Variants in SPPL2B observed in about 807,000 individuals in gnomAD.
SPPL2B encodes the protein signal peptide peptidase like 2B.
SPPL2B carries 39 observed loss-of-function variants against 59.7 expected under a neutral mutation model. That is an observed-to-expected ratio of 0.65 (90% CI 0.51 to 0.85). The LOEUF (loss-of-function observed/expected upper bound fraction) is 0.85. SPPL2B is among the 40% of genes least tolerant of loss of function. The pLI, the probability that SPPL2B is intolerant of heterozygous loss-of-function variation, is 0.00. For missense variants in SPPL2B, 865 were observed against 849.0 expected (o/e 1.02, Z -0.23); for synonymous variants, 419 against 370.8 (o/e 1.13, Z -1.49).
At chr19:2,351,710 G>C in intron 14 of SPPL2B, 116 bp downstream of exon 14, 3 of 1,399,834 alleles carry the variant, frequency 2.1e-6, no homozygotes, top group South Asian at 2.7e-5. Context: ...CGGGGCTCAG[G>C]GTCCTGGTAC....
At chr19:2,350,148 C>T (rs541749591) in intron 13 of SPPL2B, among the ~76,000 whole-genome samples, 1 of 141,802 alleles carries the variant, frequency 7.1e-6, no homozygotes, top group East Asian at 2.1e-4. Flanking sequence ...TTCTCTCTCT[C>T]CACACACACT....
chr19:2,346,432 GAA>G (rs1371637894), intron 13 of SPPL2B, among the ~76,000 whole-genome samples: 1 of 152,276 alleles, frequency 6.6e-6, no homozygotes, highest in Non-Finnish European at 1.5e-5. Context: ...CTGGGAGGCT[GAA>G]GTGGGAGGAT....
chr19:2,330,068 A>C (rs867933794), intron 1 of SPPL2B, among the ~76,000 whole-genome samples: 1 of 151,952 alleles, frequency 6.6e-6, no homozygotes, highest in African/African-American at 2.4e-5. Flanking sequence ...AACTCTGTGG[A>C]GAGAGGGACT....
chr19:2,336,492 T>C (rs1968621331), intron 2 of SPPL2B, among the ~76,000 whole-genome samples: 2 of 151,958 alleles, frequency 1.3e-5, no homozygotes, highest in Admixed American at 1.3e-4. Flanking sequence ...TGTGAGTGCA[T>C]GTGTAATAGG....
intron 2 of SPPL2B, 137 bp downstream of exon 2, chr19:2,334,858 C>G: frequency 1.7e-6 from 2 of 1,179,254 alleles, no homozygotes; most frequent in Non-Finnish European, 1.1e-6. Flanking sequence ...GGACTCTTAG[C>G]TGGCCCCCAG....
At chr19:2,333,539 T>C (rs1968401224) in intron 1 of SPPL2B, among the ~76,000 whole-genome samples, 2 of 152,174 alleles carry the variant, frequency 1.3e-5, no homozygotes, top group Admixed American at 1.3e-4. Context: ...GTGGGGGTCG[T>C]CCCTTCTGGT....
chr19:2,348,197 C>T (rs1450821227), intron 13 of SPPL2B, among the ~76,000 whole-genome samples: 3 of 107,724 alleles, frequency 2.8e-5, no homozygotes, highest in South Asian at 3.6e-4. Context: ...CGCTTGATTC[C>T]GTTCTCTCTC....
intron 13 of SPPL2B, among the ~76,000 whole-genome samples, chr19:2,346,852 A>G (rs1455833402): frequency 1.3e-5 from 2 of 152,146 alleles, no homozygotes; most frequent in African/African-American, 4.8e-5. Context: ...GGACACGTGG[A>G]TGGCCTAAAA....
chr19:2,345,603 C>G (rs993828190), intron 13 of SPPL2B, among the ~76,000 whole-genome samples: 1 of 150,644 alleles, frequency 6.6e-6, no homozygotes, highest in Non-Finnish European at 1.5e-5. Flanking sequence ...GCCTGTGCCT[C>G]TGTCCCCATC....
rs952044257 is a variant in SPPL2B at position 2,339,009 on chromosome 19, C to T, written c.460-60C>T. The stretch of plus-strand genomic sequence containing the variant: ...CCCAGCCCCACAGCCCACAGCTGCA[C>T]GTCGACCCATGGCTGGCGGGTGGCT... On this transcript the variant is annotated intron_variant, in intron 4 of 14. Transcript: ENST00000613503. 32 of 1,527,266 alleles carry T rather than the reference C, an allele frequency of 2.1e-5. 1 individual carries two copies. Among genetic ancestry groups the T allele is most frequent in the African/African-American group, 5.5e-5 (4 of 72,576 alleles). The allele number at this position is 1,527,266 out of a possible 1,614,324, so 94.6% of individuals were successfully genotyped here.
chr19:2,338,512 C>T (rs556488858), intron 3 of SPPL2B: 14 of 478,420 alleles, frequency 2.9e-5, no homozygotes, highest in Admixed American at 2.6e-4. Flanking sequence ...GGATTAGTGG[C>T]GCTTTTAGGC....
rs1969305737 is a variant in SPPL2B, at chr19:2,345,349, C to T, written c.1354+19C>T. On this transcript the variant is annotated intron_variant, in intron 13 of 14. Transcript: ENST00000613503. The stretch of plus-strand genomic sequence containing the variant: ...ACCATCGGTAAGTGCCTCGGTTGGG[C>T]CCGTGCTGGCCTCTCTGGCTCCAGC... The T allele has an allele frequency of 1.2e-6, 2 of 1,607,166 alleles. No homozygotes were observed. The highest frequency in any genetic ancestry group is 1.7e-6 in the Non-Finnish European group (2 of 1,174,602).
At chr19:2,347,773 A>G (rs1177231342) in intron 13 of SPPL2B, among the ~76,000 whole-genome samples, 1 of 44,364 alleles carries the variant, frequency 2.3e-5, no homozygotes, top group Non-Finnish European at 4.1e-5. Context: ...ACACACACAC[A>G]CTCTCATTCG....
intron 10 of SPPL2B, 46 bp downstream of exon 10, chr19:2,344,085 C>G (rs777094884): frequency 5.2e-6 from 7 of 1,347,998 alleles, no homozygotes; most frequent in Non-Finnish European, 7.0e-6. Flanking sequence ...CCCGCTCCCC[C>G]GCCCCCTCGC....
In SPPL2B at chr19:2,328,759, T is replaced by C; in HGVS notation, c.50T>C (p.Leu17Pro). Reference protein sequence around the residue: ...AALARLLAAFLLLAAQVACEY... With the variant: ...AALARLLAAFPLLAAQVACEY... ...CTGGCGCGGCTTTTGGCGGCCTTTC[T>C]GCTCCTCGCGGCCCAGGTGAGCGCG... The change falls in exon 1 of 15, where the codon CTG (leucine) becomes CCG (proline). Residue 17 changes from leucine to proline, a missense_variant. Transcript: ENST00000613503. 1 of 1,461,490 alleles carries C rather than the reference T, an allele frequency of 6.8e-7. No individual in the cohort carries two copies. Among genetic ancestry groups the C allele is most frequent in the East Asian group, 2.9e-5 (1 of 35,056 alleles). 90.5% of individuals were successfully genotyped at this position (1,461,490 alleles called of 1,614,324 possible). A position where few individuals can be genotyped will look rare whatever the true frequency, so the allele number is the denominator to read the frequency against.
intron 13 of SPPL2B, among the ~76,000 whole-genome samples, chr19:2,346,891 T>C (rs896454383): frequency 2.0e-5 from 3 of 152,208 alleles, no homozygotes; most frequent in African/African-American, 7.2e-5. Flanking sequence ...CCCCGTGGCA[T>C]GGCGTCAGAA....
chr19:2,348,287 C>G (rs1352350839), intron 13 of SPPL2B, among the ~76,000 whole-genome samples: 1 of 117,566 alleles, frequency 8.5e-6, no homozygotes, highest in Non-Finnish European at 1.8e-5. Flanking sequence ...TGATTCCGTT[C>G]TCTCCCTCCA....
chr19:2,352,903 G>A lies in SPPL2B; in HGVS notation c.1516-43G>A, dbSNP rs937593080. On this transcript the variant is annotated intron_variant, in intron 14 of 14. Coordinates refer to ENST00000613503, the MANE Select transcript of SPPL2B (RefSeq NM_152988.3). ...CTGGCCCCTGCCAGGGTCCTCCTCT[G>A]GGTCCCTGTCTCCGCCTCACCTCTG... The A allele has an allele frequency of 3.1e-6, 5 of 1,606,770 alleles. No individual in the cohort carries two copies. The African/African-American group carries it at 5.4e-5, about 17-fold the overall frequency.
chr19:2,338,764 G>A lies in SPPL2B; in HGVS notation c.382G>A (p.Gly128Ser). 6.2e-7 allele frequency: 1 copy of A among 1,613,106 alleles called. No homozygotes were observed. Among genetic ancestry groups the A allele is most frequent in the Non-Finnish European group, 8.5e-7 (1 of 1,179,466 alleles). ...TCTGGGCCCCCAGGTCCCCCCGGGG[G>A]GTAATAAGACGCAGTATGATGAGAT... ...VSRERLVPPG[G>S]NKTQYDEIGI... is the part of the protein sequence containing the mutation. The change falls in exon 4 of 15, where the codon GGT (glycine) becomes AGT (serine). Residue 128 changes from glycine (G) to serine (S), a missense_variant. Transcript: ENST00000613503.
Sources: gnomAD v4.1 joint callset for allele counts (sites outside exome capture counted in the v4.1 genomes callset) on GRCh38, gnomAD v4.1.1 for gene constraint, MANE v1.5 for transcripts, NCBI Gene and HGNC (gene_info 2026-07-23, HGNC 2026-07-21) for gene names.